Variants in TTC39C observed in about 807,000 individuals in gnomAD.
The protein encoded by TTC39C is tetratricopeptide repeat protein 39C.
A neutral mutation model predicts 76.3 loss-of-function variants in TTC39C; 33 were observed. The observed-to-expected ratio is 0.43, with a 90% confidence interval of 0.33 to 0.58. TTC39C has a LOEUF of 0.58. Ranked by LOEUF, TTC39C falls within the 20% of genes least tolerant of loss-of-function variation. TTC39C has a pLI of 0.04. For missense variants in TTC39C, 595 were observed against 701.4 expected, an observed-to-expected ratio of 0.85 and a Z score of 1.71; for synonymous variants, 254 against 260.6, an observed-to-expected ratio of 0.97 and a Z score of 0.24.
chr18:24,088,177 G>A (rs1414053051), intron 6 of TTC39C, among the ~76,000 whole-genome samples: 1 of 152,178 alleles, frequency 6.6e-6, no homozygotes, highest in African/African-American at 2.4e-5. Context: ...ATTCCAGTAT[G>A]CTGGCTAAAC....
At chr18:24,131,107 C>T (rs2085123448) in intron 12 of TTC39C, among the ~76,000 whole-genome samples, 1 of 138,040 alleles carries the variant, frequency 7.2e-6, no homozygotes, top group African/African-American at 2.7e-5. Context: ...TCCCAGTTAA[C>T]CTGGGGGGCT....
chr18:24,056,323 G>A (rs567279986), intron 1 of TTC39C, among the ~76,000 whole-genome samples: 15 of 152,206 alleles, frequency 9.9e-5, no homozygotes, highest in African/African-American at 3.6e-4. Flanking sequence ...CCCAGGAGTC[G>A]AAACCCCCCA....
intron 9 of TTC39C, 107 bp downstream of exon 9, chr18:24,124,050 G>A (rs1007677678): frequency 1.9e-5 from 14 of 727,784 alleles, no homozygotes; most frequent in Non-Finnish European, 3.1e-5. Context: ...CTATTTACTT[G>A]CCACATAAAG....
At chr18:24,048,846 AG>A (rs1173199183) in intron 1 of TTC39C, among the ~76,000 whole-genome samples, 1 of 152,252 alleles carries the variant, frequency 6.6e-6, no homozygotes, top group Non-Finnish European at 1.5e-5. Context: ...ATCAGTGTGT[AG>A]GTAGAAAAAT....
At chr18:24,020,418 C>A in intron 1 of TTC39C, 1 of 560,204 alleles carries the variant, frequency 1.8e-6, no homozygotes, top group Non-Finnish European at 2.3e-6. Flanking sequence ...GTACAAGAAA[C>A]ACTTGTACAA....
At chr18:24,089,147 G>C (rs1246566566) in intron 6 of TTC39C, among the ~76,000 whole-genome samples, 2 of 152,166 alleles carry the variant, frequency 1.3e-5, no homozygotes, top group Non-Finnish European at 2.9e-5. Flanking sequence ...GGAGACCCCG[G>C]GGGATCATGG....
intron 1 of TTC39C, among the ~76,000 whole-genome samples, chr18:24,017,155 G>T (rs2083463224): frequency 6.6e-6 from 1 of 152,160 alleles, no homozygotes; most frequent in Non-Finnish European, 1.5e-5. Context: ...GACAGAGATG[G>T]TATCATCCTA....
At chr18:24,023,985 TATATATATATATATATA>T (rs2083559083) in intron 1 of TTC39C, among the ~76,000 whole-genome samples, 1 of 5,900 alleles carries the variant, frequency 1.7e-4, no homozygotes, top group Non-Finnish European at 6.5e-4. Flanking sequence ...TATATACATA[TATATATATATATATATA>T]TATATATATA....
chr18:24,094,307 G>C (rs987009540), intron 6 of TTC39C, among the ~76,000 whole-genome samples: 3 of 152,208 alleles, frequency 2.0e-5, no homozygotes, highest in Non-Finnish European at 4.4e-5. Flanking sequence ...CACATTGGCT[G>C]TTTCTTCCTC....
intron 1 of TTC39C, among the ~76,000 whole-genome samples, chr18:23,997,577 A>T (rs2083273044): frequency 4.1e-5 from 5 of 122,858 alleles, no homozygotes; most frequent in African/African-American, 6.3e-5. Flanking sequence ...AAAAAAAAAG[A>T]GAAAGAAAGA....
upstream of TTC39C, among the ~76,000 whole-genome samples, chr18:24,010,607 G>C (rs1384959809): frequency 6.6e-6 from 1 of 152,048 alleles, no homozygotes; most frequent in Non-Finnish European, 1.5e-5. Context: ...AAACATTTTG[G>C]GAACCTGTAT....
At chr18:24,123,670 G>A (rs2085007652) in intron 8 of TTC39C, 164 bp from the exon 9 acceptor site, 2 of 520,318 alleles carry the variant, frequency 3.8e-6, no homozygotes, top group Non-Finnish European at 3.3e-6. Flanking sequence ...GCCTTCCAAA[G>A]TGCTGGGATT....
intron 1 of TTC39C, among the ~76,000 whole-genome samples, chr18:24,038,246 G>A (rs1380529544): frequency 2.7e-5 from 4 of 148,612 alleles, no homozygotes; most frequent in Non-Finnish European, 3.0e-5. Flanking sequence ...AGAAGTGCCC[G>A]TCTGATGAGG....
intron 8 of TTC39C, among the ~76,000 whole-genome samples, chr18:24,120,562 AC>A (rs1471117084): frequency 6.6e-6 from 1 of 152,232 alleles, no homozygotes; most frequent in East Asian, 1.9e-4. Flanking sequence ...AGCATCATTT[AC>A]CATTTGAACT....
At chr18:24,056,919 G>A (rs1194000651) in intron 1 of TTC39C, among the ~76,000 whole-genome samples, 2 of 152,090 alleles carry the variant, frequency 1.3e-5, no homozygotes, top group African/African-American at 4.8e-5. Flanking sequence ...CTAGTCTCAA[G>A]CAATCCTCCT....
intron 3 of TTC39C, 78 bp from the exon 4 acceptor site, chr18:24,069,079 C>A: frequency 1.7e-6 from 2 of 1,205,288 alleles, no homozygotes; most frequent in African/African-American, 1.5e-5. Flanking sequence ...TTATCTTGTA[C>A]AATAACCTGA....
chr18:24,100,602 C>T (rs2084662528), intron 6 of TTC39C, among the ~76,000 whole-genome samples: 1 of 152,176 alleles, frequency 6.6e-6, no homozygotes, highest in Non-Finnish European at 1.5e-5. Context: ...GAGTGGAGGG[C>T]ATTTATTGAC....
At chr18:23,997,652 GAGAAAGAA>G (rs1176951123) in intron 1 of TTC39C, among the ~76,000 whole-genome samples, 15 of 44,400 alleles carry the variant, frequency 3.4e-4, no homozygotes, top group African/African-American at 8.3e-4. Flanking sequence ...AGGAAGGAAG[GAGAAAGAA>G]AGAAAGAAAG....
chr18:24,025,630 T>C (rs1185381643), intron 1 of TTC39C, among the ~76,000 whole-genome samples: 1 of 152,220 alleles, frequency 6.6e-6, no homozygotes, highest in Non-Finnish European at 1.5e-5. Context: ...GATGATCTCA[T>C]ACATTGCAGG....
Sources: gnomAD v4.1 joint callset for allele counts (sites outside exome capture counted in the v4.1 genomes callset) on GRCh38, gnomAD v4.1.1 for gene constraint, MANE v1.5 for transcripts, NCBI Gene and HGNC (gene_info 2026-07-23, HGNC 2026-07-21) for gene names.